Variants in FER1L5 observed in about 807,000 individuals in gnomAD.
The protein encoded by FER1L5 is fer-1-like protein 5.
FER1L5 carries 187 observed loss-of-function variants against 279.9 expected under a neutral mutation model. The observed-to-expected ratio is 0.67, with a 90% CI of 0.59 to 0.75. The LOEUF is 0.75. Among genes scored for constraint, FER1L5 ranks in the 30% least tolerant of loss-of-function variants. The pLI, the probability that FER1L5 is intolerant of heterozygous loss-of-function variation, is 0.00. For missense variants in FER1L5, 2,091 were observed against 2,594.4 expected, an observed-to-expected ratio of 0.81 and a Z score of 4.21; for synonymous variants, 921 against 989.7, an observed-to-expected ratio of 0.93 and a Z score of 1.30.
intron 9 of FER1L5, among the ~76,000 whole-genome samples, chr2:96,659,346 CTTCCTTCCTTCCTTCCT>C (rs1336627363): frequency 2.6e-5 from 2 of 78,348 alleles, no homozygotes; most frequent in African/African-American, 5.1e-5. Context: ...TCCTTCCTTC[CTTCCTTCCTTCCTTCCT>C]TCTTTCTTTC....
rs916789314 is a variant in FER1L5, at chr2:96,698,655, A to C, written c.4357-16A>C. ...AGCACTGCCAGGCTGGGCCCCCAAC[A>C]CCCTCCCCCCGCCAGGGCCTTTTCC... is the stretch of plus-strand genomic sequence containing the variant. On this transcript the variant is annotated splice_polypyrimidine_tract_variant and intron_variant, in intron 40 of 52. Transcript: ENST00000624922. The surrounding 1 kb of genome is among the most constrained non-coding windows in gnomAD (Gnocchi z 5.5). 2.6e-6 allele frequency: 4 copies of C among 1,563,842 alleles called. No homozygotes were observed. Among genetic ancestry groups the C allele is most frequent in the African/African-American group, 1.4e-5 (1 of 71,832 alleles).
intron 35 of FER1L5, 30 bp downstream of exon 35, chr2:96,695,691 GC>G: frequency 6.2e-7 from 1 of 1,606,304 alleles, no homozygotes; most frequent in Non-Finnish European, 8.5e-7. Flanking sequence ...GGGCTGGGCA[GC>G]CCTCTTCTTC....
chr2:96,650,908 G>A lies in FER1L5; in HGVS notation c.504+619G>A, dbSNP rs192876021. ...CACCCACTGCTCCCATTTCCCCCTC[G>A]CCACTTCTGTTCCCTGGCCTGAGCC... On this transcript the variant is annotated intron_variant, in intron 6 of 52. Transcript: ENST00000624922. Among the ~76,000 whole-genome samples the A allele has an allele frequency of 6.3e-4, 96 of 152,162 alleles. 1 individual carries two copies. The highest frequency in any genetic ancestry group is 2.1e-3 in the African/African-American group (88 of 41,520).
chr2:96,681,867 G>A (rs192803421), intron 19 of FER1L5, among the ~76,000 whole-genome samples: 6 of 151,658 alleles, frequency 4.0e-5, no homozygotes, highest in Non-Finnish European at 7.4e-5. Context: ...TCGGCTCACT[G>A]CACCACCTCT....
In FER1L5 at chr2:96,684,394, G is replaced by A. The variant is rs1198315900; in HGVS notation, c.1737G>A (p.Glu579=). ...KPVVAVTSNW[E]DVSFRMNCLN... is the part of the protein sequence containing the mutation. ...TCGTGGCCGTGACCTCCAACTGGGA[G>A]GACGTCAGCTTCCGCATGAACTGCC... The change falls in exon 20 of 53, where the codon GAG becomes GAA. Residue 579 remains glutamate (E), a synonymous_variant. Coordinates refer to ENST00000624922, the MANE Select transcript of FER1L5 (RefSeq NM_001293083.2). 1.3e-6 allele frequency: 2 copies of A among 1,551,554 alleles called. No homozygotes were observed. The highest frequency in any genetic ancestry group is 1.7e-6 in the Non-Finnish European group (2 of 1,146,994).
At chr2:96,701,837 C>T (rs574628525) in intron 45 of FER1L5, 118 bp from the exon 46 acceptor site, 1,058 of 887,148 alleles carry the variant, frequency 1.2e-3, no homozygotes, top group Non-Finnish European at 1.8e-3. Flanking sequence ...GTACCCCACC[C>T]CTCGGTGTTG....
chr2:96,648,382 T>C (rs2075224633), intron 4 of FER1L5, among the ~76,000 whole-genome samples: 2 of 152,216 alleles, frequency 1.3e-5, no homozygotes, highest in South Asian at 2.1e-4. Flanking sequence ...TCGTCATTTG[T>C]GTTTTGGCAG....
chr2:96,659,413 CTT>C (rs2075815348), intron 9 of FER1L5, among the ~76,000 whole-genome samples: 2 of 6,372 alleles, frequency 3.1e-4, no homozygotes, highest in Non-Finnish European at 4.9e-4. Flanking sequence ...TTCTTTCTTT[CTT>C]TCTTTCTTTC....
Position 96,689,442 on chromosome 2 carries a change from G to T in FER1L5, c.2525+66G>T, listed in dbSNP as rs1467626556. Reference sequence around the variant, plus strand: ...CACCTGGGAGGGCCAGTCCGCGGCAGCCCAGAAAGATGGGTACCTAGCCCC... The same window carrying T: ...CACCTGGGAGGGCCAGTCCGCGGCATCCCAGAAAGATGGGTACCTAGCCCC... On this transcript the variant is annotated intron_variant, in intron 25 of 52. Transcript: ENST00000624922. This position sits in a 1 kb window ranked among gnomAD's most constrained non-coding sequence, Gnocchi z 4.6. 1 of 1,533,446 alleles carries T rather than the reference G, an allele frequency of 6.5e-7. No homozygotes were observed. The highest frequency in any genetic ancestry group is 2.2e-5 in the Admixed American group (1 of 45,416). 95.0% of individuals were successfully genotyped at this position (1,533,446 alleles called of 1,614,324 possible).
intron 11 of FER1L5, 101 bp downstream of exon 11, chr2:96,661,541 C>A: frequency 6.6e-7 from 1 of 1,506,768 alleles, no homozygotes; most frequent in Non-Finnish European, 9.0e-7. Context: ...TCTCCTTTGT[C>A]CGCTGCGTCA....
In FER1L5 at chr2:96,689,193, G is replaced by C. The variant is rs1436987261; in HGVS notation, c.2362-20G>C. ...TTGTGCTAGAGGAGGCGGCCGCCCT[G>C]ACAAGCTTCCCTCCCCTAGTATGAG... On this transcript the variant is annotated intron_variant, in intron 24 of 52. Transcript: ENST00000624922. This position sits in a 1 kb window ranked among gnomAD's most constrained non-coding sequence, Gnocchi z 4.6. 6.5e-7 allele frequency: 1 copy of C among 1,548,636 alleles called. No homozygotes were observed. Among genetic ancestry groups the C allele is most frequent in the African/African-American group, 1.4e-5 (1 of 72,908 alleles).
At chr2:96,696,109 A>G (rs2077368801) in intron 37 of FER1L5, 32 bp downstream of exon 37, 3 of 1,613,174 alleles carry the variant, frequency 1.9e-6, no homozygotes, top group East Asian at 2.2e-5. Context: ...ACCTTCTCCC[A>G]TACTGTTGAC....
chr2:96,678,573 C>T (rs1356995847), intron 19 of FER1L5, among the ~76,000 whole-genome samples: 1 of 152,100 alleles, frequency 6.6e-6, no homozygotes, highest in Non-Finnish European at 1.5e-5. Flanking sequence ...GCTGGGACTA[C>T]AGGCACGCAC....
intron 13 of FER1L5, 74 bp from the exon 14 acceptor site, chr2:96,663,365 G>A (rs2076017855): frequency 7.2e-7 from 1 of 1,397,454 alleles, no homozygotes; most frequent in Non-Finnish European, 9.9e-7. Context: ...GGCTGGACAG[G>A]AAGAGCTGGA....
intron 1 of FER1L5, among the ~76,000 whole-genome samples, chr2:96,644,292 C>G (rs2075021514): frequency 6.6e-6 from 1 of 150,854 alleles, no homozygotes; most frequent in Non-Finnish European, 1.5e-5. Context: ...TCCTGGCTAA[C>G]ACGGTGAAAC....
At position 96,643,020 on chromosome 2, in the gene FER1L5, T is replaced by C. The variant is rs149553936; in HGVS notation, c.85+99T>C. The C allele has an allele frequency of 4.3e-4, 433 of 1,006,134 alleles. 4 individuals carry two copies. In the East Asian group the frequency reaches 0.011, roughly 26 times the overall value. The allele number at this position is 1,006,134 out of a possible 1,614,324, so 62.3% of individuals were successfully genotyped here. On this transcript the variant is annotated intron_variant, in intron 1 of 52. Transcript: ENST00000624922. ...GTATGGCACCCCACTACATAAAAGA[T>C]GCCCTGTGTAACACAAAGTGAAGTA...
chr2:96,659,358 C>CTTCT lies in FER1L5; in HGVS notation c.748-980_748-979insTTTC, dbSNP rs2075778770. ...CCTTCCTTCCTTCCTTCCTTCCTTCCTTCCTTCTTTCTTTCTTTCTTTCTT... is the reference window on the plus strand; with the variant it reads ...CCTTCCTTCCTTCCTTCCTTCCTTCCTTCTTTCCTTCTTTCTTTCTTTCTTTCTT... On this transcript the variant is annotated intron_variant, in intron 9 of 52. Coordinates refer to ENST00000624922, the MANE Select transcript of FER1L5 (RefSeq NM_001293083.2). Among the ~76,000 whole-genome samples, 7 of 60,578 alleles carry CTTCT rather than the reference C, an allele frequency of 1.2e-4. 1 individual carries two copies. Among genetic ancestry groups the CTTCT allele is most frequent in the Non-Finnish European group, 1.8e-4 (6 of 32,906 alleles). 39.7% of individuals were successfully genotyped at this position (60,578 alleles called of 152,430 possible). A position where few individuals can be genotyped will look rare whatever the true frequency, so the allele number is the denominator to read the frequency against.
Position 96,668,980 on chromosome 2 carries a change from C to T in FER1L5, c.1267+12C>T. The T allele has an allele frequency of 6.4e-7, 1 of 1,551,678 alleles. No homozygotes were observed. Among genetic ancestry groups the T allele is most frequent in the Non-Finnish European group, 8.7e-7 (1 of 1,146,990 alleles). On this transcript the variant is annotated intron_variant, in intron 16 of 52. Coordinates refer to ENST00000624922, the MANE Select transcript of FER1L5 (RefSeq NM_001293083.2). Reference sequence around the variant, plus strand: ...AGAAGAGATAGAAGGCAAGCAAAGCCTCGAGCCCACTTCCTACACCCCTCG... The same window carrying T: ...AGAAGAGATAGAAGGCAAGCAAAGCTTCGAGCCCACTTCCTACACCCCTCG...
Position 96,693,556 on chromosome 2 carries a change from C to A in FER1L5, c.3343C>A (p.Leu1115Met). ...GAACCACAGCCAGTGCACCCAAACC[C>A]TGAGGAGCTCTGCAGGCCCCACATG... The part of the protein sequence containing the change: ...FLNHSQCTQT[L>M]RSSAGPTWAQ... Residue 1115 changes from leucine to methionine, a missense_variant, in exon 32 of 53, where the codon CTG (leucine) becomes ATG (methionine). By Grantham distance (15) the Leu-to-Met change is conservative. Transcript: ENST00000624922. 6.4e-7 allele frequency: 1 copy of A among 1,551,508 alleles called. No homozygotes were observed. The highest frequency in any genetic ancestry group is 8.7e-7 in the Non-Finnish European group (1 of 1,146,946).
Sources: allele counts gnomAD v4.1 joint callset (sites outside exome capture counted in the v4.1 genomes callset), GRCh38; gene constraint gnomAD v4.1.1; non-coding constraint Gnocchi (gnomAD v3.1); transcripts MANE v1.5; gene names NCBI Gene and HGNC (gene_info 2026-07-23, HGNC 2026-07-21).